Variants in PAGE2 observed in about 807,000 individuals in gnomAD.
PAGE2 encodes the protein PAGE family member 2, also known as P antigen family member 2.
A neutral mutation model predicts 7.5 loss-of-function variants in PAGE2; 6 were observed. That is an observed-to-expected ratio of 0.80 (90% confidence interval 0.44 to 1.57). The LOEUF is 1.57. PAGE2 is among the 40% of genes most tolerant of loss of function. The pLI is 0.01. For synonymous variants in PAGE2, 22 were observed against 25.4 expected (o/e 0.87, Z 0.41); for missense variants, 72 against 76.4 (o/e 0.94, Z 0.21).
chrX:55,090,594 A>T lies in PAGE2; in HGVS notation c.177A>T (p.Ala59=). Residue 59 remains alanine (A), a synonymous_variant, in exon 3 of 5, where the codon GCA becomes GCT. Transcript: ENST00000374968. The stretch of plus-strand genomic sequence containing the variant: ...CTAGTGGGGAGATTGAAAATCAAGC[A>T]GTGCCTGCTTTTCAAGGTGAAGGGA... ...IAPSGEIENQ[A]VPAFQGPDME... is the part of the protein sequence containing the mutation. 1 of 1,205,492 alleles carries T rather than the reference A, an allele frequency of 8.3e-7. No homozygotes were observed. The highest frequency in any genetic ancestry group is 1.8e-5 in the South Asian group (1 of 56,307).
In PAGE2 at chrX:55,090,534, A is replaced by G. The variant is rs778981528; in HGVS notation, c.117A>G (p.Glu39=). 1 of 1,206,829 alleles carries G rather than the reference A, an allele frequency of 8.3e-7. No homozygotes were observed. The highest frequency in any genetic ancestry group is 3.0e-5 in the East Asian group (1 of 33,817). ...VQEPTEEKRQ[E]EEPPTDNQGI... ...AGCCCACTGAGGAAAAACGTCAAGA[A>G]GAGGAACCACCAACTGATAATCAGG... Residue 39 remains glutamate, a synonymous_variant, in exon 3 of 5, where the codon GAA becomes GAG. Coordinates refer to ENST00000374968, the MANE Select transcript of PAGE2 (RefSeq NM_207339.4).
chrX:55,090,361 T>G (rs1936644563), intron 2 of PAGE2, 141 bp from the exon 3 acceptor site: 1 of 602,043 alleles, frequency 1.7e-6, no homozygotes, highest in South Asian at 3.0e-5. Flanking sequence ...TATCTATCTA[T>G]CTATCATCTA....
At position 55,091,722 on chromosome X, in the gene PAGE2, TG is replaced by T. The variant is rs1367954433; in HGVS notation, c.319+268del. ...AAGACTTCAAGAGACAGAGAAAAAT[TG>T]GGTCAAAACTAATTGGATTACGATA... On this transcript the variant is annotated intron_variant, in intron 4 of 4. Coordinates refer to ENST00000374968, the MANE Select transcript of PAGE2 (RefSeq NM_207339.4). Among the ~76,000 whole-genome samples, 2 of 79,861 alleles carry T rather than the reference TG, an allele frequency of 2.5e-5. 1 individual carries two copies. The highest frequency in any genetic ancestry group is 5.5e-5 in the Non-Finnish European group (2 of 36,327). 69.3% of individuals were successfully genotyped at this position (79,861 alleles called of 115,157 possible).
intron 1 of PAGE2, 30 bp from the exon 2 acceptor site, chrX:55,089,983 T>A (rs759386388): frequency 9.2e-7 from 1 of 1,085,864 alleles, no homozygotes; most frequent in African/African-American, 1.9e-5. Flanking sequence ...TCTTACACAC[T>A]TTTTCCAAAT....
At chrX:55,090,459 T>C in intron 2 of PAGE2, 43 bp from the exon 3 acceptor site, 1 of 1,084,342 alleles carries the variant, frequency 9.2e-7, no homozygotes, top group Non-Finnish European at 1.3e-6. Flanking sequence ...TTTGTGTATT[T>C]ATATTATTGA....
intron 2 of PAGE2, 136 bp from the exon 3 acceptor site, chrX:55,090,359 TATCTATC>T (rs1936644528): frequency 5.0e-6 from 3 of 603,156 alleles, no homozygotes; most frequent in Non-Finnish European, 7.8e-6. Flanking sequence ...TCTATCTATC[TATCTATC>T]ATCTATCTAT....
Sources: allele counts gnomAD v4.1 joint callset (sites outside exome capture counted in the v4.1 genomes callset), GRCh38; gene constraint gnomAD v4.1.1; transcripts MANE v1.5; gene names NCBI Gene and HGNC (gene_info 2026-07-23, HGNC 2026-07-21).